SNCG: variants seen among roughly 807,000 people sequenced by gnomAD.
SNCG encodes synuclein gamma.
In SNCG, 13 loss-of-function variants were observed where a neutral mutation model predicts 16.0. The observed-to-expected ratio is 0.81, with a 90% CI of 0.53 to 1.29. The LOEUF is 1.29. Among genes scored for constraint, SNCG ranks in the 50% most tolerant of loss-of-function variants. The probability of loss-of-function intolerance (pLI) is 0.00; values close to 1 mark genes in which losing one functional copy is unlikely to be tolerated. For missense variants in SNCG, 154 were observed against 168.5 expected (o/e 0.91, Z 0.48); for synonymous variants, 66 against 66.3 (o/e 1.00, Z 0.02).
rs1271219542 is a variant in SNCG at position 86,959,473 on chromosome 10, C to A, written c.122-160C>A. ...TTCCCATCCATCCACTTCTTCCAGACACAGCAGGAAGAGGCCCTCTGAAGG... is the reference window on the plus strand; with the variant it reads ...TTCCCATCCATCCACTTCTTCCAGAAACAGCAGGAAGAGGCCCTCTGAAGG... On this transcript the variant is annotated intron_variant, in intron 1 of 4. Transcript: ENST00000372017. This position sits in a 1 kb window ranked among gnomAD's most constrained non-coding sequence, Gnocchi z 4.3. 14 of 659,444 alleles carry A rather than the reference C, an allele frequency of 2.1e-5. No homozygotes were observed. The highest frequency in any genetic ancestry group is 1.5e-4 in the Admixed American group (6 of 41,210). The allele number at this position is 659,444 out of a possible 1,614,324, so 40.8% of individuals were successfully genotyped here.
intron 3 of SNCG, among the ~76,000 whole-genome samples, chr10:86,961,042 TG>T (rs1844339087): frequency 6.6e-6 from 1 of 151,540 alleles, no homozygotes; most frequent in Non-Finnish European, 1.5e-5. Context: ...TACCTGGGGG[TG>T]GGGCGGGGGA....
upstream of SNCG, chr10:86,957,511 C>T: frequency 6.2e-7 from 1 of 1,612,574 alleles, no homozygotes; most frequent in African/African-American, 1.3e-5. Flanking sequence ...CCCAGGGGGC[C>T]CCCAAGGCTG....
chr10:86,956,749 C>A (rs1165784964), upstream of SNCG, among the ~76,000 whole-genome samples: 1 of 152,200 alleles, frequency 6.6e-6, no homozygotes, highest in Non-Finnish European at 1.5e-5. Flanking sequence ...GCTGCTCTGA[C>A]TGAGGGGCAG....
At position 86,958,612 on chromosome 10, in the gene SNCG, G is replaced by C; in HGVS notation, c.-86G>C. 6.3e-7 allele frequency: 1 copy of C among 1,589,870 alleles called. No homozygotes were observed. The highest frequency in any genetic ancestry group is 8.5e-7 in the Non-Finnish European group (1 of 1,170,226). On this transcript the variant is annotated 5_prime_UTR_variant, in exon 1 of 5. Coordinates refer to ENST00000372017, the MANE Select transcript of SNCG (RefSeq NM_003087.3). ...GGAGGCATCGGGGACAGCCGCTGCG[G>C]CAGCACTCGAGCCAGCTCAAGCCCG...
At chr10:86,956,980 T>C (rs1406048632), upstream of SNCG, among the ~76,000 whole-genome samples, 1 of 152,198 alleles carries the variant, frequency 6.6e-6, no homozygotes, top group African/African-American at 2.4e-5. Context: ...CCCAGGGAAC[T>C]CAGATCAAAA....
chr10:86,958,687 G>A lies in SNCG; in HGVS notation c.-11G>A. On this transcript the variant is annotated 5_prime_UTR_variant, in exon 1 of 5. Coordinates refer to ENST00000372017, the MANE Select transcript of SNCG (RefSeq NM_003087.3). The stretch of plus-strand genomic sequence containing the variant: ...GTCCTGCCTGCAGCAGCACAACCCT[G>A]CACACCCACCATGGATGTCTTCAAG... 1 of 1,613,844 alleles carries A rather than the reference G, an allele frequency of 6.2e-7. No individual in the cohort carries two copies.
In SNCG at chr10:86,962,592, T is replaced by C. The variant is rs774606608; in HGVS notation, c.292-12T>C. 34 of 1,604,556 alleles carry C rather than the reference T, an allele frequency of 2.1e-5. No individual in the cohort carries two copies. The Admixed American group carries it at 4.9e-4, about 23-fold the overall frequency. On this transcript the variant is annotated splice_polypyrimidine_tract_variant and intron_variant, in intron 3 of 4. Transcript: ENST00000372017. ...CTCCACATGGTCTCATGCCCCCTTT[T>C]GTCCCCTACAGGAGGACTTGAGGCC... is the stretch of plus-strand genomic sequence containing the variant.
chr10:86,960,980 G>A (rs1235913049), intron 3 of SNCG, among the ~76,000 whole-genome samples: 2 of 152,232 alleles, frequency 1.3e-5, no homozygotes, highest in Admixed American at 6.5e-5. Context: ...TGAGCAGCCT[G>A]TACTCTGAGA....
At chr10:86,961,869 C>T (rs1467525954) in intron 3 of SNCG, among the ~76,000 whole-genome samples, 2 of 152,232 alleles carry the variant, frequency 1.3e-5, no homozygotes, top group Admixed American at 6.5e-5. Context: ...TCCCCGCCTC[C>T]CCCCCGTCCC....
At position 86,959,768 on chromosome 10, in the gene SNCG, A is replaced by T; in HGVS notation, c.163+94A>T. The T allele has an allele frequency of 7.4e-7, 1 of 1,352,884 alleles. No homozygotes were observed. Among genetic ancestry groups the T allele is most frequent in the Non-Finnish European group, 1.0e-6 (1 of 992,750 alleles). The allele number at this position is 1,352,884 out of a possible 1,614,324, so 83.8% of individuals were successfully genotyped here. A position where few individuals can be genotyped will look rare whatever the true frequency, so the allele number is the denominator to read the frequency against. On this transcript the variant is annotated intron_variant, in intron 2 of 4. Transcript: ENST00000372017. The surrounding 1 kb of genome is among the most constrained non-coding windows in gnomAD (Gnocchi z 4.3). ...GGGCTCAAACCTAGAGTCCTGCCTT[A>T]CCCCCAACTGGGGTCCCAAGCCCTA...
At chr10:86,957,535 G>A (rs751975915), upstream of SNCG, 19 of 1,608,302 alleles carry the variant, frequency 1.2e-5, no homozygotes, top group Non-Finnish European at 1.5e-5. Context: ...AGCAAGCTCA[G>A]GATCATCTTG....
At chr10:86,958,040 G>C, upstream of SNCG, 2 of 985,434 alleles carry the variant, frequency 2.0e-6, no homozygotes, top group Non-Finnish European at 2.4e-6. Context: ...CATGCAGCCA[G>C]AGGCCAAGGC....
At chr10:86,962,579 T>C in intron 3 of SNCG, 25 bp from the exon 4 acceptor site, 1 of 1,580,298 alleles carries the variant, frequency 6.3e-7, no homozygotes, top group Admixed American at 1.7e-5. Context: ...CCACATGGTC[T>C]CATGCCCCCT....
chr10:86,958,253 C>T, upstream of SNCG: 5 of 972,876 alleles, frequency 5.1e-6, no homozygotes, highest in Non-Finnish European at 6.1e-6. Context: ...AAGGCGCCTC[C>T]CCTCTCTGTG....
intron 3 of SNCG, 66 bp from the exon 4 acceptor site, chr10:86,962,538 G>C (rs1844371935): frequency 8.2e-7 from 1 of 1,216,996 alleles, no homozygotes; most frequent in Non-Finnish European, 1.2e-6. Flanking sequence ...CAAGGCCCTG[G>C]TTGCAGGGCA....
chr10:86,956,497 G>T (rs141162714), upstream of SNCG, among the ~76,000 whole-genome samples: 34 of 152,336 alleles, frequency 2.2e-4, no homozygotes, highest in Middle Eastern at 3.4e-3. Context: ...GTGTGTGGGG[G>T]CAGGAGGGTG....
Position 86,959,874 on chromosome 10 carries a change from A to T in SNCG, c.164-127A>T. 1 of 1,453,090 alleles carries T rather than the reference A, an allele frequency of 6.9e-7. No homozygotes were observed. The highest frequency in any genetic ancestry group is 9.3e-7 in the Non-Finnish European group (1 of 1,078,234). The allele number at this position is 1,453,090 out of a possible 1,614,324, so 90.0% of individuals were successfully genotyped here. A position where few individuals can be genotyped will look rare whatever the true frequency, so the allele number is the denominator to read the frequency against. On this transcript the variant is annotated intron_variant, in intron 2 of 4. Coordinates refer to ENST00000372017, the MANE Select transcript of SNCG (RefSeq NM_003087.3). This position sits in a 1 kb window ranked among gnomAD's most constrained non-coding sequence, Gnocchi z 4.3. ...AGCATCAGAGGTGCCCTGGAGTCAG[A>T]GGGAGCAGGGGAGGGTCCCAGCAGG...
At chr10:86,958,501 T>TA, upstream of SNCG, 12 of 644,628 alleles carry the variant, frequency 1.9e-5, no homozygotes, top group Non-Finnish European at 2.4e-5. Flanking sequence ...CCTCCTTCCC[T>TA]CCCTCCCTCC....
Position 86,959,938 on chromosome 10 carries a change from G to A in SNCG, c.164-63G>A, listed in dbSNP as rs1844311280. On this transcript the variant is annotated intron_variant, in intron 2 of 4. Transcript: ENST00000372017. This position sits in a 1 kb window ranked among gnomAD's most constrained non-coding sequence, Gnocchi z 4.3. ...GCTCCTGGGAAGGGGCTGCGAGCCT[G>A]ACTCCAGCAGGCCTGCCTTGGGGCT... 6.4e-7 allele frequency: 1 copy of A among 1,550,660 alleles called. No homozygotes were observed. Among genetic ancestry groups the A allele is most frequent in the South Asian group, 1.2e-5 (1 of 84,090 alleles).
Sources: gnomAD v4.1 joint callset for allele counts (sites outside exome capture counted in the v4.1 genomes callset) on GRCh38, gnomAD v4.1.1 for gene constraint, Gnocchi (gnomAD v3.1) non-coding constraint, MANE v1.5 for transcripts, NCBI Gene and HGNC (gene_info 2026-07-23, HGNC 2026-07-21) for gene names.